The following GRID2 variants were observed in gnomAD, a reference collection of about 807,000 sequenced individuals.
The protein encoded by GRID2 is glutamate receptor ionotropic, delta-2.
A neutral mutation model predicts 114.8 loss-of-function variants in GRID2; 33 were observed. The observed-to-expected ratio is 0.29, with a 90% CI of 0.22 to 0.38. GRID2 has a LOEUF of 0.38. GRID2 is among the 10% of genes least tolerant of loss of function. GRID2 has a pLI of 1.00. For synonymous variants in GRID2, 505 were observed against 449.9 expected (o/e 1.12, Z -1.55); for missense variants, 1,184 against 1,257.7 (o/e 0.94, Z 0.89).
chr4:92,955,389 T>A (rs1238182879), intron 2 of GRID2, among the ~76,000 whole-genome samples: 1 of 152,260 alleles, frequency 6.6e-6, no homozygotes, highest in African/African-American at 2.4e-5. Flanking sequence ...TTTTTTCATG[T>A]GTCTGTTGGC....
rs535614951 is a variant in GRID2, at chr4:92,440,685, T to A, written c.88+135941T>A. ...CTATAGCATAACCTGCCTTTGCTGG[T>A]GTGTGGTGATTAGGCCTGGTGGAAC... On this transcript the variant is annotated intron_variant, in intron 1 of 15. Transcript: ENST00000282020. Among the ~76,000 whole-genome samples, 1,084 of 151,864 alleles carry A rather than the reference T, an allele frequency of 7.1e-3. 8 individuals carry two copies. The highest frequency in any genetic ancestry group is 0.014 in the Middle Eastern group (4 of 292).
At chr4:92,886,470 A>G (rs1746374638) in intron 2 of GRID2, among the ~76,000 whole-genome samples, 1 of 152,140 alleles carries the variant, frequency 6.6e-6, no homozygotes, top group African/African-American at 2.4e-5. Context: ...AGTGCCATAA[A>G]ATGAAATATA....
At chr4:92,551,046 C>G (rs1208782281) in intron 1 of GRID2, among the ~76,000 whole-genome samples, 1 of 152,122 alleles carries the variant, frequency 6.6e-6, no homozygotes, top group Non-Finnish European at 1.5e-5. Context: ...AAAGTAAGGT[C>G]TCACAAGATA....
chr4:92,377,285 CA>C lies in GRID2; in HGVS notation c.88+72545del, dbSNP rs200385922. Among the ~76,000 whole-genome samples the C allele has an allele frequency of 1.8e-4, 27 of 152,224 alleles. No individual in the cohort carries two copies. In the East Asian group the frequency reaches 4.5e-3, roughly 25 times the overall value. On this transcript the variant is annotated intron_variant, in intron 1 of 15. Transcript: ENST00000282020. ...GTTCCACACATCTCTGGGATAGGGACAAAATGCTGCCAGTCTCTTTGCCAAA... is the reference window on the plus strand; with the variant it reads ...GTTCCACACATCTCTGGGATAGGGACAAATGCTGCCAGTCTCTTTGCCAAA...
chr4:93,206,515 A>C (rs1289451530), intron 4 of GRID2, among the ~76,000 whole-genome samples: 1 of 151,992 alleles, frequency 6.6e-6, no homozygotes, highest in East Asian at 1.9e-4. Context: ...CCATGCATAA[A>C]TCAGAAGAAC....
intron 9 of GRID2, among the ~76,000 whole-genome samples, chr4:93,408,139 G>A (rs1273318082): frequency 2.0e-5 from 3 of 152,128 alleles, no homozygotes; most frequent in Non-Finnish European, 4.4e-5. Context: ...GCATTTGAAA[G>A]CAAGGTCTTT....
At chr4:93,165,811 T>G (rs1396360583) in intron 4 of GRID2, among the ~76,000 whole-genome samples, 1 of 152,086 alleles carries the variant, frequency 6.6e-6, no homozygotes, top group African/African-American at 2.4e-5. Context: ...CTTGGAAGAT[T>G]GATGGACGGC....
intron 2 of GRID2, among the ~76,000 whole-genome samples, chr4:93,042,609 T>TTCTC (rs35806940): frequency 1.1e-4 from 14 of 122,888 alleles, no homozygotes; most frequent in East Asian, 2.5e-4. Context: ...GATGAATCTT[T>TTCTC]TCTCTCTCTC....
rs148791503 is a variant in GRID2 at position 93,482,204 on chromosome 4, T to C, written c.1859-8435T>C. Among the ~76,000 whole-genome samples the C allele has an allele frequency of 5.8e-3, 890 of 152,156 alleles. 5 individuals are homozygous for C. Among genetic ancestry groups the C allele is most frequent in the African/African-American group, 0.02 (839 of 41,542 alleles). On this transcript the variant is annotated intron_variant, in intron 11 of 15. Coordinates refer to ENST00000282020, the MANE Select transcript of GRID2 (RefSeq NM_001510.4). ...TATTACTGGGTATATACCCAAAGGA[T>C]TATAAATCATTTTACTATAAAGACA...
At chr4:93,099,260 A>C (rs1731496772) in intron 3 of GRID2, among the ~76,000 whole-genome samples, 1 of 151,838 alleles carries the variant, frequency 6.6e-6, no homozygotes, top group Admixed American at 6.6e-5. Flanking sequence ...AGGAAACTAT[A>C]ATTGTTTTAT....
At chr4:93,327,922 C>G (rs564455461) in intron 8 of GRID2, among the ~76,000 whole-genome samples, 1 of 152,042 alleles carries the variant, frequency 6.6e-6, no homozygotes, top group Non-Finnish European at 1.5e-5. Context: ...TAGTCTCAAC[C>G]ACCATCATCT....
intron 2 of GRID2, among the ~76,000 whole-genome samples, chr4:92,591,109 A>G (rs1728689500): frequency 6.6e-6 from 1 of 152,140 alleles, no homozygotes; most frequent in Non-Finnish European, 1.5e-5. Context: ...TTCTGGTGGT[A>G]TTAAGAGGTG....
chr4:92,460,723 G>A (rs1480811145), intron 1 of GRID2, among the ~76,000 whole-genome samples: 1 of 152,046 alleles, frequency 6.6e-6, no homozygotes, highest in Non-Finnish European at 1.5e-5. Flanking sequence ...GACTCATTTT[G>A]AAAGTCTAAA....
rs1047187822 is a variant in GRID2, at chr4:92,773,236, C to G, written c.244+182950C>G. Reference sequence around the variant, plus strand: ...CTATTTAGCTACACTTTAATTCCCTCTGAAATGCCACTCTGGCATCAGTTG... The same window carrying G: ...CTATTTAGCTACACTTTAATTCCCTGTGAAATGCCACTCTGGCATCAGTTG... On this transcript the variant is annotated intron_variant, in intron 2 of 15. Transcript: ENST00000282020. Among the ~76,000 whole-genome samples the G allele has an allele frequency of 1.8e-4, 27 of 152,152 alleles. 1 individual carries two copies. The highest frequency in any genetic ancestry group is 1.5e-5 in the Non-Finnish European group (1 of 68,028).
intron 1 of GRID2, among the ~76,000 whole-genome samples, chr4:92,397,765 A>G (rs1730574677): frequency 6.6e-6 from 1 of 152,148 alleles, no homozygotes; most frequent in African/African-American, 2.4e-5. Context: ...TGTCTGAGAA[A>G]GTGACAGAGG....
intron 4 of GRID2, among the ~76,000 whole-genome samples, chr4:93,194,354 A>G (rs1741273562): frequency 1.3e-5 from 2 of 152,204 alleles, no homozygotes; most frequent in South Asian, 4.1e-4. Flanking sequence ...TTGAAGTATA[A>G]ATATAACACT....
chr4:93,273,413 C>G (rs1487898129), intron 8 of GRID2, among the ~76,000 whole-genome samples: 1 of 152,058 alleles, frequency 6.6e-6, no homozygotes, highest in Admixed American at 6.6e-5. Flanking sequence ...ACCCTCCCCT[C>G]ATTTTTCAAC....
chr4:93,170,760 G>A (rs1212243854), intron 4 of GRID2, among the ~76,000 whole-genome samples: 1 of 151,964 alleles, frequency 6.6e-6, no homozygotes, highest in African/African-American at 2.4e-5. Flanking sequence ...ATACCCGACT[G>A]CCTATTGCGC....
chr4:92,947,828 T>A (rs1389520453), intron 2 of GRID2, among the ~76,000 whole-genome samples: 1 of 151,914 alleles, frequency 6.6e-6, no homozygotes, highest in Admixed American at 6.6e-5. Context: ...CACAAGCTTT[T>A]AATATCTGAT....
Sources: gnomAD v4.1 joint callset for allele counts (sites outside exome capture counted in the v4.1 genomes callset) on GRCh38, gnomAD v4.1.1 for gene constraint, MANE v1.5 for transcripts, NCBI Gene and HGNC (gene_info 2026-07-23, HGNC 2026-07-21) for gene names.